Variants in COA7 observed in about 807,000 individuals in gnomAD.
COA7 encodes cytochrome c oxidase assembly factor 7, also known as Sel1 repeat containing 1.
COA7 carries 12 observed loss-of-function variants against 21.0 expected under a neutral mutation model. The ratio of observed to expected loss-of-function variants is 0.57; its 90% confidence interval spans 0.37 to 0.92. The LOEUF is 0.92. Ranked by LOEUF, COA7 falls within the 40% of genes least tolerant of loss-of-function variation. COA7 has a pLI of 0.01. For synonymous variants in COA7, 95 were observed against 107.4 expected, an observed-to-expected ratio of 0.88 and a Z score of 0.72; for missense variants, 240 against 286.1, an observed-to-expected ratio of 0.84 and a Z score of 1.16.
chr1:52,692,265 T>A (rs527821472), intron 2 of COA7, among the ~76,000 whole-genome samples: 1 of 152,276 alleles, frequency 6.6e-6, no homozygotes, highest in African/African-American at 2.4e-5. Flanking sequence ...TGAACAAAAA[T>A]AACTATTTTG....
intron 2 of COA7, among the ~76,000 whole-genome samples, chr1:52,688,657 G>T (rs916021392): frequency 6.6e-6 from 1 of 152,088 alleles, no homozygotes; most frequent in African/African-American, 2.4e-5. Flanking sequence ...GATCAACCTG[G>T]GTGACAGAGC....
chr1:52,693,105 A>C (rs1571718921), intron 1 of COA7, among the ~76,000 whole-genome samples: 1 of 150,514 alleles, frequency 6.6e-6, no homozygotes. Context: ...GCTTGGGGAG[A>C]CCTCAGCCCC....
chr1:52,698,068 C>T, intron 1 of COA7, 153 bp downstream of exon 1: 1 of 637,520 alleles, frequency 1.6e-6, no homozygotes, highest in Admixed American at 2.6e-5. Context: ...CGGGACACAT[C>T]GCCCTTCCCA....
intron 1 of COA7, among the ~76,000 whole-genome samples, chr1:52,694,086 G>A (rs1006819154): frequency 7.9e-5 from 12 of 152,184 alleles, no homozygotes; most frequent in Admixed American, 7.9e-4. Flanking sequence ...CACAGGGAGT[G>A]TGGAATAATA....
chr1:52,696,814 A>G (rs1644086734), intron 1 of COA7, among the ~76,000 whole-genome samples: 1 of 63,964 alleles, frequency 1.6e-5, no homozygotes, highest in Non-Finnish European at 5.9e-5. Flanking sequence ...TATTTGAAAG[A>G]AAAAAAAAAA....
In COA7 at chr1:52,686,540, C is replaced by G. The variant is rs1188411021; in HGVS notation, c.*1180G>C. 1 of 152,120 alleles carries G rather than the reference C, an allele frequency of 6.6e-6. No homozygotes were observed. Among genetic ancestry groups the G allele is most frequent in the Non-Finnish European group, 1.5e-5 (1 of 68,082 alleles). The allele number at this position is 152,120 out of a possible 1,614,324, so 9.4% of individuals were successfully genotyped here. ...TCAGCTCACTGCAAGCTCCGCCTCCCGGGTTCAAGCAATTCTCCTGCCTCA... is the reference window on the plus strand; with the variant it reads ...TCAGCTCACTGCAAGCTCCGCCTCCGGGGTTCAAGCAATTCTCCTGCCTCA... On this transcript the variant is annotated 3_prime_UTR_variant, in exon 3 of 3. Coordinates refer to ENST00000371538, the MANE Select transcript of COA7 (RefSeq NM_023077.3).
chr1:52,697,685 G>C (rs1014489347), intron 1 of COA7, among the ~76,000 whole-genome samples: 3 of 152,148 alleles, frequency 2.0e-5, no homozygotes, highest in African/African-American at 7.2e-5. Flanking sequence ...CCACTCTCCT[G>C]CCTCAGCCTC....
intron 1 of COA7, among the ~76,000 whole-genome samples, chr1:52,696,670 T>C (rs571346497): frequency 6.6e-6 from 1 of 151,934 alleles, no homozygotes; most frequent in African/African-American, 2.4e-5. Flanking sequence ...CTTTTCTTTT[T>C]TTTTTTAGTA....
At position 52,690,395 on chromosome 1, in the gene COA7, G is replaced by A. The variant is rs574514329; in HGVS notation, c.248-2227C>T. 4.0e-5 allele frequency among the ~76,000 whole-genome samples: 6 copies of A among 151,640 alleles called. No homozygotes were observed. In the South Asian group the frequency reaches 1.3e-3, roughly 32 times the overall value. ...CATTCCAGTCATCTTTGTAGCATGT[G>A]TTCAGATTAAATGCTGGCTGGTTGA... On this transcript the variant is annotated intron_variant, in intron 2 of 2. Transcript: ENST00000371538.
rs566399965 is a variant in COA7, at chr1:52,695,716, G to A, written c.106+2505C>T. Among the ~76,000 whole-genome samples the A allele has an allele frequency of 2.2e-4, 33 of 152,198 alleles. No homozygotes were observed. The South Asian group carries it at 6.8e-3, about 32-fold the overall frequency. On this transcript the variant is annotated intron_variant, in intron 1 of 2. Transcript: ENST00000371538. ...TTAAGGGAGTAAAGTGCAAAGAGAG[G>A]GACAGGTTAGAAGGCGACTTCAGTT...
chr1:52,697,442 C>G (rs1644091997), intron 1 of COA7, among the ~76,000 whole-genome samples: 2 of 152,188 alleles, frequency 1.3e-5, no homozygotes, highest in Admixed American at 1.3e-4. Context: ...GGTTCACTCC[C>G]TTACCTTCTT....
chr1:52,696,003 C>T (rs1422096773), intron 1 of COA7, among the ~76,000 whole-genome samples: 2 of 152,140 alleles, frequency 1.3e-5, no homozygotes, highest in African/African-American at 2.4e-5. Flanking sequence ...TGACTTCAAC[C>T]TTCCAAAAGA....
At chr1:52,691,571 A>G (rs1011363914) in intron 2 of COA7, among the ~76,000 whole-genome samples, 2 of 151,250 alleles carry the variant, frequency 1.3e-5, no homozygotes, top group Non-Finnish European at 2.9e-5. Context: ...TCCAGGGTTC[A>G]AGTGATTCTC....
At chr1:52,688,369 A>G (rs575485532) in intron 2 of COA7, among the ~76,000 whole-genome samples, 103 of 152,140 alleles carry the variant, frequency 6.8e-4, no homozygotes, top group African/African-American at 2.3e-3. Context: ...AGCCTCCCCA[A>G]GTAGCTGGGA....
chr1:52,694,520 A>G (rs112258931), intron 1 of COA7, among the ~76,000 whole-genome samples: 6,338 of 151,560 alleles, frequency 0.042, 338 homozygotes, highest in African/African-American at 0.12. Flanking sequence ...CCATGTAACA[A>G]AACTGCACTT....
intron 2 of COA7, among the ~76,000 whole-genome samples, chr1:52,690,404 A>C (rs1644036663): frequency 6.6e-6 from 1 of 151,888 alleles, no homozygotes; most frequent in Non-Finnish European, 1.5e-5. Context: ...TGTTCAGATT[A>C]AATGCTGGCT....
At position 52,687,754 on chromosome 1, in the gene COA7, T is replaced by C; in HGVS notation, c.662A>G (p.Gln221Arg). ...TGTTAAGGGTTGGACACCTTTCTGC[T>C]GTTCTTTGTGTAGCTGCTGGGCTCG... Reference protein sequence around the residue: ...KNRAQQLHKEQQKGVQPLTFG With the variant: ...KNRAQQLHKERQKGVQPLTFG Residue 221 changes from glutamine to arginine, a missense_variant, in exon 3 of 3, where the codon CAG becomes CGG. This residue lies in a region of COA7 where 163 missense variants were observed against 214.1 expected (regional missense o/e 0.76). Transcript: ENST00000371538. The C allele has an allele frequency of 6.2e-7, 1 of 1,614,262 alleles. No homozygotes were observed. Among genetic ancestry groups the C allele is most frequent in the Non-Finnish European group, 8.5e-7 (1 of 1,180,038 alleles).
chr1:52,694,461 G>GGAAAAAAAAAAAAAA (rs751466526), intron 1 of COA7, among the ~76,000 whole-genome samples: 1 of 65,000 alleles, frequency 1.5e-5, no homozygotes. Flanking sequence ...ACTCCATCTC[G>GGAAAAAAAAAAAAAA]AAAAAAAAAA....
Position 52,687,858 on chromosome 1 carries a change from G to A in COA7, c.558C>T (p.Ala186=). 1.2e-6 allele frequency: 2 copies of A among 1,614,242 alleles called. No homozygotes were observed. The highest frequency in any genetic ancestry group is 8.5e-7 in the Non-Finnish European group (1 of 1,180,050). The part of the protein sequence containing the change: ...MKACDLGHIW[A]CANASRMYKL... ...TGTACATGCGACTGGCATTGGCACA[G>A]GCCCAGATATGACCCAGGTCACAGG... The change falls in exon 3 of 3, where the codon GCC becomes GCT. Residue 186 remains alanine, a synonymous_variant. Transcript: ENST00000371538.
Sources: gnomAD v4.1 joint callset for allele counts (sites outside exome capture counted in the v4.1 genomes callset) on GRCh38, gnomAD v4.1.1 for gene constraint, gnomAD v4.1.1 regional missense constraint, MANE v1.5 for transcripts, NCBI Gene and HGNC (gene_info 2026-07-23, HGNC 2026-07-21) for gene names.